The following FHL2 variants were observed in gnomAD, a reference collection of about 807,000 sequenced individuals.
FHL2 encodes four and a half LIM domains protein 2.
Under a neutral mutation model 32.7 loss-of-function variants are expected in FHL2, and 20 were observed. The ratio of observed to expected loss-of-function variants is 0.61; its 90% confidence interval spans 0.43 to 0.89. FHL2 has a LOEUF of 0.89. Ranked by LOEUF, FHL2 falls within the 40% of genes least tolerant of loss-of-function variation. The pLI is 0.00. For missense variants in FHL2, 311 were observed against 358.6 expected (o/e 0.87, Z 1.07); for synonymous variants, 123 against 128.1 (o/e 0.96, Z 0.27).
At chr2:105,383,530 G>A (rs1030421843) in intron 3 of FHL2, among the ~76,000 whole-genome samples, 2 of 152,242 alleles carry the variant, frequency 1.3e-5, no homozygotes, top group East Asian at 3.9e-4. Context: ...AGTAGGTCAG[G>A]ACTCTCAAAA....
intron 1 of FHL2, among the ~76,000 whole-genome samples, chr2:105,416,494 A>C (rs1010099186): frequency 1.4e-4 from 21 of 152,252 alleles, no homozygotes; most frequent in Admixed American, 4.6e-4. Flanking sequence ...TTCTACACCA[A>C]AATTTGAAAA....
At chr2:105,369,923 A>G (rs1680904410) in intron 4 of FHL2, among the ~76,000 whole-genome samples, 1 of 152,216 alleles carries the variant, frequency 6.6e-6, no homozygotes, top group Non-Finnish European at 1.5e-5. Flanking sequence ...CACCTCAGGC[A>G]TGGCGACAGC....
At chr2:105,362,349 A>G (rs1479720996) in intron 6 of FHL2, among the ~76,000 whole-genome samples, 1 of 152,218 alleles carries the variant, frequency 6.6e-6, no homozygotes, top group Non-Finnish European at 1.5e-5. Context: ...ATTACACATG[A>G]GAGTACTGTT....
intron 1 of FHL2, among the ~76,000 whole-genome samples, chr2:105,427,719 A>G (rs1167248209): frequency 2.0e-5 from 3 of 152,184 alleles, no homozygotes; most frequent in African/African-American, 7.2e-5. Flanking sequence ...TAGATGTTGA[A>G]TAATCCCTCT....
intron 1 of FHL2, among the ~76,000 whole-genome samples, chr2:105,408,449 C>T (rs894094932): frequency 6.6e-6 from 1 of 152,236 alleles, no homozygotes; most frequent in South Asian, 2.1e-4. Context: ...CCAACCAAGA[C>T]TGGAACCAGC....
chr2:105,386,527 G>A lies in FHL2; in HGVS notation c.-11C>T. 6.2e-7 allele frequency: 1 copy of A among 1,613,954 alleles called. No homozygotes were observed. Among genetic ancestry groups the A allele is most frequent in the Non-Finnish European group, 8.5e-7 (1 of 1,179,982 alleles). On this transcript the variant is annotated 5_prime_UTR_variant, in exon 3 of 7. Transcript: ENST00000530340. ...AAAGCGCTCAGTCATTTTGACTCCT[G>A]GCTTTTCAGCAACCTATCAAAAAGA...
rs182315588 is a variant in FHL2, at chr2:105,386,196, G to A, written c.156+165C>T. 1,365 of 663,734 alleles carry A rather than the reference G, an allele frequency of 2.1e-3. 4 individuals carry two copies. The highest frequency in any genetic ancestry group is 2.0e-3 in the Non-Finnish European group (809 of 405,958). 41.1% of individuals were successfully genotyped at this position (663,734 alleles called of 1,614,324 possible). A position where few individuals can be genotyped will look rare whatever the true frequency, so the allele number is the denominator to read the frequency against. ...GTGCTTGTGGGCAGAGATCACATTC[G>A]CTAGAGGGAAGAAGCTTCCGAAAGG... On this transcript the variant is annotated intron_variant, in intron 3 of 6. Coordinates refer to ENST00000530340, the MANE Select transcript of FHL2 (RefSeq NM_001318895.3).
chr2:105,384,929 T>G (rs1682189217), intron 3 of FHL2, among the ~76,000 whole-genome samples: 1 of 152,138 alleles, frequency 6.6e-6, no homozygotes, highest in Non-Finnish European at 1.5e-5. Context: ...GTGGCTGAGC[T>G]CTCATGCTTG....
chr2:105,361,329 G>A lies in FHL2; in HGVS notation c.794C>T (p.Thr265Ile), dbSNP rs764915908. Residue 265 changes from threonine to isoleucine, a missense_variant, in exon 7 of 7, where the codon ACA becomes ATA. Physicochemically the swap from Thr to Ile is moderately conservative, Grantham distance 89 (BLOSUM62 -1). Transcript: ENST00000530340. The stretch of plus-strand genomic sequence containing the variant: ...GGGGCACAGGATGTCGTCCCTCTCT[G>A]TGAGGAAGCCACGCCCCACCAGTGA... Reference protein sequence around the residue: ...SLSLVGRGFLTERDDILCPDC... With the variant: ...SLSLVGRGFLIERDDILCPDC... 1.9e-6 allele frequency: 3 copies of A among 1,614,122 alleles called. No homozygotes were observed. In the South Asian group the frequency reaches 3.3e-5, roughly 18 times the overall value.
intron 1 of FHL2, among the ~76,000 whole-genome samples, chr2:105,419,045 A>G (rs1045435986): frequency 3.9e-5 from 6 of 152,148 alleles, no homozygotes; most frequent in African/African-American, 1.4e-4. Context: ...ATTTGTATAC[A>G]AGTATTTTCT....
At chr2:105,391,692 G>C (rs1682747047) in intron 2 of FHL2, among the ~76,000 whole-genome samples, 1 of 152,118 alleles carries the variant, frequency 6.6e-6, no homozygotes. Flanking sequence ...AATGTATCAG[G>C]GTATCAGAGC....
chr2:105,426,004 G>A (rs930884422), intron 1 of FHL2, among the ~76,000 whole-genome samples: 24 of 152,014 alleles, frequency 1.6e-4, no homozygotes, highest in South Asian at 2.1e-4. Context: ...TCAGTCTCTC[G>A]TCCCACCCAA....
At chr2:105,407,798 C>T (rs1056232530) in intron 1 of FHL2, among the ~76,000 whole-genome samples, 4 of 152,118 alleles carry the variant, frequency 2.6e-5, no homozygotes, top group African/African-American at 7.2e-5. Context: ...ATCCTCCCCC[C>T]GCTGCCACCA....
intron 3 of FHL2, among the ~76,000 whole-genome samples, chr2:105,382,591 G>A (rs1485035358): frequency 1.3e-5 from 2 of 152,238 alleles, no homozygotes; most frequent in Non-Finnish European, 2.9e-5. Context: ...CAAGTGCCTG[G>A]AACAAGTCAT....
chr2:105,370,415 G>T (rs1246208052), intron 4 of FHL2, among the ~76,000 whole-genome samples: 1 of 152,076 alleles, frequency 6.6e-6, no homozygotes, highest in African/African-American at 2.4e-5. Flanking sequence ...AAATTTGGTT[G>T]CAGGGTTGGA....
intron 3 of FHL2, chr2:105,375,542 GC>G (rs1478451678): frequency 6.6e-6 from 1 of 152,446 alleles, no homozygotes; most frequent in East Asian, 1.9e-4. Context: ...GGAAGCTGAG[GC>G]AGGAGAATCG....
intron 4 of FHL2, among the ~76,000 whole-genome samples, chr2:105,368,494 G>A (rs1425629198): frequency 6.6e-6 from 1 of 152,168 alleles, no homozygotes; most frequent in Non-Finnish European, 1.5e-5. Context: ...ATGCCTGGCT[G>A]AAATCTTCAT....
intron 2 of FHL2, among the ~76,000 whole-genome samples, chr2:105,393,456 T>G (rs1243759059): frequency 6.6e-6 from 1 of 152,140 alleles, no homozygotes; most frequent in Non-Finnish European, 1.5e-5. Flanking sequence ...CCAGAGACAA[T>G]TAGGAAAACT....
At chr2:105,376,013 A>G (rs1681448821) in intron 3 of FHL2, 1 of 152,230 alleles carries the variant, frequency 6.6e-6, no homozygotes, top group East Asian at 1.9e-4. Context: ...CACAATCCAC[A>G]TGGACATCAT....
Sources: gnomAD v4.1 joint callset for allele counts (sites outside exome capture counted in the v4.1 genomes callset) on GRCh38, gnomAD v4.1.1 for gene constraint, MANE v1.5 for transcripts, NCBI Gene and HGNC (gene_info 2026-07-23, HGNC 2026-07-21) for gene names.